Variants in OGG1 observed in about 807,000 individuals in gnomAD.
OGG1 encodes N-glycosylase/DNA lyase.
OGG1 carries 35 observed loss-of-function variants against 42.3 expected under a neutral mutation model. The observed-to-expected ratio is 0.83, with a 90% CI of 0.63 to 1.10. The LOEUF is 1.10. Among genes scored for constraint, OGG1 ranks in the 50% least tolerant of loss-of-function variants. OGG1 has a pLI of 0.00. For synonymous variants in OGG1, 189 were observed against 179.0 expected (o/e 1.06, Z -0.44); for missense variants, 484 against 446.7 (o/e 1.08, Z -0.75).
chr3:9,753,586 G>A lies in OGG1; in HGVS notation c.566-1118G>A, dbSNP rs1352574021. ...GGAGAATGGCGTGAACCCGGGAGGC[G>A]AAGCTTGCAGTGAGCCGAGATCGTG... On this transcript the variant is annotated intron_variant, in intron 3 of 6. Transcript: ENST00000344629. 4.8e-5 allele frequency among the ~76,000 whole-genome samples: 7 copies of A among 147,010 alleles called. 1 individual carries two copies. Among genetic ancestry groups the A allele is most frequent in the African/African-American group, 1.0e-4 (4 of 39,578 alleles).
chr3:9,786,463 T>A (rs528610130), intron 3 of OGG1, among the ~76,000 whole-genome samples: 1 of 151,766 alleles, frequency 6.6e-6, no homozygotes, highest in Non-Finnish European at 1.5e-5. Context: ...GGTGAAAGAG[T>A]GTGAGGGTGT....
intron 4 of OGG1, among the ~76,000 whole-genome samples, chr3:9,755,652 T>C (rs999074220): frequency 6.6e-6 from 1 of 151,898 alleles, no homozygotes; most frequent in African/African-American, 2.4e-5. Flanking sequence ...TTAGTAGAGA[T>C]GGGGTTTCAC....
downstream of OGG1, chr3:9,761,293 C>G: frequency 1.4e-6 from 1 of 703,834 alleles, no homozygotes; most frequent in Non-Finnish European, 2.3e-6. Flanking sequence ...TGGCACAGTG[C>G]TTGAAACATA....
intron 3 of OGG1, chr3:9,784,309 G>A: frequency 6.9e-7 from 1 of 1,459,308 alleles, no homozygotes; most frequent in South Asian, 1.4e-5. Flanking sequence ...GTGAAAACCT[G>A]CCTTTCCCTT....
intron 2 of OGG1, among the ~76,000 whole-genome samples, chr3:9,775,513 A>G (rs1179553026): frequency 6.6e-6 from 1 of 152,158 alleles, no homozygotes; most frequent in African/African-American, 2.4e-5. Context: ...CTGCTCTGAG[A>G]GTGCTTTCTG....
downstream of OGG1, chr3:9,767,558 C>T: frequency 1.4e-6 from 2 of 1,428,916 alleles, no homozygotes; most frequent in Admixed American, 3.6e-5. Flanking sequence ...ATAGTGCTGC[C>T]ACAGGGCCTG....
downstream of OGG1, among the ~76,000 whole-genome samples, chr3:9,790,464 T>G (rs1013430877): frequency 2.6e-5 from 4 of 152,208 alleles, no homozygotes; most frequent in East Asian, 7.7e-4. Context: ...AGCTCCAACG[T>G]GCACCCAATC....
chr3:9,759,390 T>C, downstream of OGG1: 1 of 1,568,764 alleles, frequency 6.4e-7, no homozygotes, highest in South Asian at 1.1e-5. Flanking sequence ...AGTTACTGTG[T>C]GCCCAGTGTG....
At chr3:9,784,180 G>A in intron 3 of OGG1, 1 of 1,613,916 alleles carries the variant, frequency 6.2e-7, no homozygotes. Flanking sequence ...GCTCCTCCTT[G>A]ATGCGGCTCT....
chr3:9,761,685 T>C (rs1379128941), downstream of OGG1: 1 of 1,614,034 alleles, frequency 6.2e-7, no homozygotes, highest in East Asian at 2.2e-5. Context: ...GGGTCCTCCA[T>C]CTTGGAGAGG....
intron 4 of OGG1, among the ~76,000 whole-genome samples, chr3:9,755,650 G>C (rs1310878128): frequency 2.0e-5 from 3 of 151,704 alleles, no homozygotes; most frequent in Non-Finnish European, 4.4e-5. Flanking sequence ...TTTTAGTAGA[G>C]ATGGGGTTTC....
rs190381876 is a variant in OGG1 at position 9,776,624 on chromosome 3, C to T, written c.295-4889C>T. 1.6e-3 allele frequency among the ~76,000 whole-genome samples: 245 copies of T among 152,140 alleles called. 3 individuals are homozygous for T. The highest frequency in any genetic ancestry group is 0.011 in the Admixed American group (162 of 15,272). ...CAGGATAGTCTCGATCTCCTGACCT[C>T]GTGATCCGCCCGCCTCGGCCTCCCA... On this transcript the variant is annotated intron_variant, in intron 2 of 3. Transcript: ENST00000426518.
At chr3:9,766,043 G>A in exon 8 of OGG1, 3 of 1,604,634 alleles carry the variant, frequency 1.9e-6, no homozygotes, top group East Asian at 2.3e-5. Flanking sequence ...CTCCAGAGAT[G>A]GTCACATGAC....
In OGG1 at chr3:9,787,505, TCA is replaced by T. The variant is rs1399135881; in HGVS notation, c.383-219_383-218del. ...GTACAACGAAGATAAAACCTGTACT[TCA>T]CACTCTAGTAAGGGAGACAGGTCCA... On this transcript the variant is annotated intron_variant, in intron 3 of 3. Coordinates refer to the OGG1 transcript ENST00000426518. The T allele has an allele frequency of 1.8e-5, 19 of 1,085,104 alleles. No homozygotes were observed. The East Asian group carries it at 4.2e-4, about 24-fold the overall frequency. The allele number at this position is 1,085,104 out of a possible 1,614,324, so 67.2% of individuals were successfully genotyped here.
downstream of OGG1, chr3:9,759,368 G>A: frequency 6.5e-7 from 1 of 1,541,622 alleles, no homozygotes; most frequent in East Asian, 2.2e-5. Flanking sequence ...CCTTCAGTAA[G>A]GATCCCTAAG....
At chr3:9,780,364 T>C in intron 2 of OGG1, 1 of 1,612,030 alleles carries the variant, frequency 6.2e-7, no homozygotes, top group Non-Finnish European at 8.5e-7. Flanking sequence ...GGGCTACCCA[T>C]CCAGCAGCTT....
At chr3:9,779,172 T>C (rs964785403) in intron 2 of OGG1, among the ~76,000 whole-genome samples, 1 of 152,258 alleles carries the variant, frequency 6.6e-6, no homozygotes, top group African/African-American at 2.4e-5. Context: ...TCAGATCTTG[T>C]TGGGTTTTAC....
At chr3:9,756,698 T>G in intron 5 of OGG1, 69 bp from the exon 6 acceptor site, 1 of 1,613,690 alleles carries the variant, frequency 6.2e-7, no homozygotes, top group Non-Finnish European at 8.5e-7. Context: ...CACCTCTCCC[T>G]CAGACCCTAC....
chr3:9,756,937 G>T lies in OGG1; in HGVS notation c.948+121G>T, dbSNP rs1008527692. The T allele has an allele frequency of 3.7e-6, 6 of 1,611,866 alleles. No individual in the cohort carries two copies. The African/African-American group carries it at 6.7e-5, about 18-fold the overall frequency. On this transcript the variant is annotated intron_variant, in intron 6 of 6. Transcript: ENST00000344629. ...TCCAGCCACCCCTGTCCCAACCCCAGTGGATTCTCATTGCCTTCGGCCCTG... is the reference window on the plus strand; with the variant it reads ...TCCAGCCACCCCTGTCCCAACCCCATTGGATTCTCATTGCCTTCGGCCCTG...
Sources: allele counts gnomAD v4.1 joint callset (sites outside exome capture counted in the v4.1 genomes callset), GRCh38; gene constraint gnomAD v4.1.1; transcripts MANE v1.5; gene names NCBI Gene and HGNC (gene_info 2026-07-23, HGNC 2026-07-21).